PCBP3: variants seen among roughly 807,000 people sequenced by gnomAD.
The protein encoded by PCBP3 is poly(rC)-binding protein 3.
Under a neutral mutation model 52.7 loss-of-function variants are expected in PCBP3, and 25 were observed. The ratio of observed to expected loss-of-function variants is 0.47; its 90% CI spans 0.35 to 0.66. The LOEUF is 0.66. PCBP3 is among the 30% of genes least tolerant of loss of function. The probability of loss-of-function intolerance (pLI) is 0.01; values close to 1 mark genes in which losing one functional copy is unlikely to be tolerated. For missense variants in PCBP3, 391 were observed against 490.3 expected (o/e 0.80, Z 1.91); for synonymous variants, 162 against 183.0 (o/e 0.89, Z 0.93).
rs149677854 is a variant in PCBP3 at position 45,810,218 on chromosome 21, C to CTGTGTGTGTGTGTGTG, written c.-125-39730_-125-39715dup. Reference sequence around the variant, plus strand: ...AACCCTACTTGGTCGTGATTCGATTCTGTGTGTGTGTGTGTGTGTGTGTGT... The same window carrying CTGTGTGTGTGTGTGTG: ...AACCCTACTTGGTCGTGATTCGATTCTGTGTGTGTGTGTGTGTGTGTGTGTGTGTGTGTGTGTGTGT... On this transcript the variant is annotated intron_variant, in intron 4 of 17. Transcript: ENST00000681687. Among the ~76,000 whole-genome samples the CTGTGTGTGTGTGTGTG allele has an allele frequency of 5.0e-3, 734 of 148,154 alleles. 7 individuals are homozygous for CTGTGTGTGTGTGTGTG. Among genetic ancestry groups the CTGTGTGTGTGTGTGTG allele is most frequent in the African/African-American group, 0.012 (486 of 39,942 alleles).
intron 5 of PCBP3, among the ~76,000 whole-genome samples, chr21:45,860,353 C>T (rs983777896): frequency 7.2e-5 from 11 of 152,212 alleles, no homozygotes; most frequent in Non-Finnish European, 1.0e-4. Flanking sequence ...AATTTTATTA[C>T]GTCGAAAGTT....
intron 13 of PCBP3, among the ~76,000 whole-genome samples, chr21:45,922,273 G>A (rs757165023): frequency 1.3e-5 from 2 of 152,176 alleles, no homozygotes; most frequent in African/African-American, 4.8e-5. Flanking sequence ...ACCCTCATAG[G>A]CCAGGTACAG....
At chr21:45,734,425 G>C (rs752974368) in intron 2 of PCBP3, among the ~76,000 whole-genome samples, 36 of 152,162 alleles carry the variant, frequency 2.4e-4, no homozygotes, top group Admixed American at 5.9e-4. Flanking sequence ...ATTCCTTTCT[G>C]GTACTCTGCC....
At chr21:45,922,058 T>G (rs1427236510) in intron 13 of PCBP3, among the ~76,000 whole-genome samples, 2 of 152,132 alleles carry the variant, frequency 1.3e-5, no homozygotes, top group Non-Finnish European at 2.9e-5. Context: ...CTGTGTGTCC[T>G]GCCTGGGTCA....
intron 2 of PCBP3, among the ~76,000 whole-genome samples, chr21:45,675,163 C>G (rs1247064951): frequency 6.6e-6 from 1 of 152,136 alleles, no homozygotes; most frequent in Admixed American, 6.6e-5. Context: ...GACTTTGACC[C>G]TGGTCTTCCT....
intron 4 of PCBP3, among the ~76,000 whole-genome samples, chr21:45,819,484 A>T (rs2093063006): frequency 6.6e-6 from 1 of 152,366 alleles, no homozygotes; most frequent in South Asian, 2.1e-4. Flanking sequence ...ATGCAGGTGC[A>T]GAGACCACAC....
Position 45,665,301 on chromosome 21 carries a change from G to A in PCBP3, c.-278-3573G>A, listed in dbSNP as rs1192788518. Among the ~76,000 whole-genome samples the A allele has an allele frequency of 2.6e-5, 4 of 152,074 alleles. No individual in the cohort carries two copies. In the East Asian group the frequency reaches 5.8e-4, roughly 22 times the overall value. On this transcript the variant is annotated intron_variant, in intron 1 of 17. Transcript: ENST00000681687. ...TACATGCCTGTAGTCCTAGCTCCTTGGGGGGCTGAGGTGGGAGAATCACTT... is the reference window on the plus strand; with the variant it reads ...TACATGCCTGTAGTCCTAGCTCCTTAGGGGGCTGAGGTGGGAGAATCACTT...
intron 5 of PCBP3, among the ~76,000 whole-genome samples, chr21:45,883,727 G>T (rs566266422): frequency 6.6e-6 from 1 of 151,974 alleles, no homozygotes; most frequent in Middle Eastern, 3.2e-3. Flanking sequence ...ATGGTTGCAC[G>T]ATACGCCTTT....
intron 4 of PCBP3, among the ~76,000 whole-genome samples, chr21:45,767,910 G>A (rs2089503466): frequency 6.6e-6 from 1 of 152,262 alleles, no homozygotes; most frequent in South Asian, 2.1e-4. Context: ...GGCAGGCAGT[G>A]TGAGCAAGGG....
At chr21:45,676,330 C>A (rs962476483) in intron 2 of PCBP3, among the ~76,000 whole-genome samples, 35 of 151,920 alleles carry the variant, frequency 2.3e-4, no homozygotes, top group African/African-American at 7.7e-4. Flanking sequence ...GACAGCCTTC[C>A]AATATAGGCA....
Position 45,839,749 on chromosome 21 carries a change from C to T in PCBP3, c.-125-10212C>T, listed in dbSNP as rs927849964. On this transcript the variant is annotated intron_variant, in intron 4 of 17. Coordinates refer to ENST00000681687, the MANE Select transcript of PCBP3 (RefSeq NM_001384156.1). The stretch of plus-strand genomic sequence containing the variant: ...TTGCCCAGGCTGGAGGGCAGTGGTA[C>T]GAACTCGGCTCACTGCAGCCTCCGC... Among the ~76,000 whole-genome samples the T allele has an allele frequency of 9.9e-5, 15 of 152,112 alleles. No homozygotes were observed. The South Asian group carries it at 2.7e-3, about 27-fold the overall frequency.
intron 13 of PCBP3, among the ~76,000 whole-genome samples, chr21:45,929,205 G>A (rs974228697): frequency 2.6e-5 from 4 of 152,206 alleles, no homozygotes; most frequent in African/African-American, 7.2e-5. Context: ...GAAGGGCTGG[G>A]GGCAGCCTGC....
rs904810299 is a variant in PCBP3, at chr21:45,736,006, T to C, written c.-162+577T>C. Among the ~76,000 whole-genome samples the C allele has an allele frequency of 5.9e-5, 9 of 152,264 alleles. No individual in the cohort carries two copies. The highest frequency in any genetic ancestry group is 1.7e-4 in the African/African-American group (7 of 41,468). On this transcript the variant is annotated intron_variant, in intron 3 of 17. Transcript: ENST00000681687. This position sits in a 1 kb window ranked among gnomAD's most constrained non-coding sequence, Gnocchi z 4.6. Reference sequence around the variant, plus strand: ...CTAGTTTTGTAAAACTACCTTGAGATGACTCCTTTTAAAATTATCCTTAAG... The same window carrying C: ...CTAGTTTTGTAAAACTACCTTGAGACGACTCCTTTTAAAATTATCCTTAAG...
rs78697950 is a variant in PCBP3, at chr21:45,715,876, A to G, written c.-199-19516A>G. Among the ~76,000 whole-genome samples the G allele has an allele frequency of 6.4e-3, 978 of 152,246 alleles. 6 individuals are homozygous for G. The highest frequency in any genetic ancestry group is 0.014 in the Middle Eastern group (4 of 294). ...AGGAATTCTTTTTTATATTCTGGAT[A>G]CTAGTTCCTTATTAGATTTGCCAAA... is the stretch of plus-strand genomic sequence containing the variant. On this transcript the variant is annotated intron_variant, in intron 2 of 17. Coordinates refer to ENST00000681687, the MANE Select transcript of PCBP3 (RefSeq NM_001384156.1).
intron 4 of PCBP3, among the ~76,000 whole-genome samples, chr21:45,784,794 G>A (rs12627154): frequency 0.78 from 118,195 of 151,652 alleles, 46,240 homozygotes; most frequent in East Asian, 0.94. Context: ...GTGCAGTGGC[G>A]TGATCTCGGC....
At chr21:45,755,134 C>A (rs2087908723) in intron 3 of PCBP3, among the ~76,000 whole-genome samples, 1 of 152,156 alleles carries the variant, frequency 6.6e-6, no homozygotes, top group Admixed American at 6.6e-5. Context: ...CCTTCTGAAG[C>A]CCCTGACAAT....
intron 4 of PCBP3, among the ~76,000 whole-genome samples, chr21:45,826,745 A>G (rs1356616042): frequency 6.6e-6 from 1 of 152,202 alleles, no homozygotes; most frequent in Non-Finnish European, 1.5e-5. Flanking sequence ...AGAAAACTGG[A>G]AACGCCAGTG....
intron 4 of PCBP3, among the ~76,000 whole-genome samples, chr21:45,820,908 C>T (rs1026591150): frequency 6.6e-6 from 1 of 152,126 alleles, no homozygotes; most frequent in Non-Finnish European, 1.5e-5. Flanking sequence ...CAGGACCCTG[C>T]GGGATACAGC....
At chr21:45,774,506 T>C (rs935193239) in intron 4 of PCBP3, among the ~76,000 whole-genome samples, 10 of 152,296 alleles carry the variant, frequency 6.6e-5, no homozygotes, top group African/African-American at 1.4e-4. Context: ...TTGGTTTCCT[T>C]TTATTTATTT....
Sources: allele counts gnomAD v4.1 joint callset (sites outside exome capture counted in the v4.1 genomes callset), GRCh38; gene constraint gnomAD v4.1.1; non-coding constraint Gnocchi (gnomAD v3.1); transcripts MANE v1.5; gene names NCBI Gene and HGNC (gene_info 2026-07-23, HGNC 2026-07-21).